The following TMTC3 variants were observed in gnomAD, a reference collection of about 807,000 sequenced individuals.
TMTC3 encodes transmembrane O-mannosyltransferase targeting cadherins 3.
Under a neutral mutation model 92.2 loss-of-function variants are expected in TMTC3, and 52 were observed. That is an observed-to-expected ratio of 0.56 (90% CI 0.45 to 0.71). The LOEUF (loss-of-function observed/expected upper bound fraction) is 0.71, where lower values mean the gene tolerates loss of function less well. Among genes scored for constraint, TMTC3 ranks in the 30% least tolerant of loss-of-function variants. The pLI, the probability that TMTC3 is intolerant of heterozygous loss-of-function variation, is 0.00. For missense variants in TMTC3, 896 were observed against 1,057.1 expected (o/e 0.85, Z 2.11); for synonymous variants, 339 against 363.3 (o/e 0.93, Z 0.76).
intron 10 of TMTC3, among the ~76,000 whole-genome samples, chr12:88,181,925 C>T (rs2041322691): frequency 6.6e-6 from 1 of 152,046 alleles, no homozygotes; most frequent in East Asian, 1.9e-4. Context: ...GTAGACACAA[C>T]TACAGGAGTA....
At chr12:88,192,960 G>A in intron 13 of TMTC3, 130 bp downstream of exon 13, 1 of 639,296 alleles carries the variant, frequency 1.6e-6, no homozygotes, top group Non-Finnish European at 2.5e-6. Flanking sequence ...GTGCTTAACT[G>A]ATTTATAGAA....
chr12:88,171,254 A>G (rs1169788874), intron 7 of TMTC3, among the ~76,000 whole-genome samples: 2 of 152,050 alleles, frequency 1.3e-5, no homozygotes, highest in Non-Finnish European at 2.9e-5. Flanking sequence ...ATATTTCATT[A>G]TCATCTTATT....
In TMTC3 at chr12:88,197,043, G is replaced by A. The variant is rs2041521244; in HGVS notation, c.*1394G>A. ...GTTGGTTCTAATTTAAAATATGAAA[G>A]CTCTGGCTATCATCCTGGGATAGTA... is the stretch of plus-strand genomic sequence containing the variant. On this transcript the variant is annotated 3_prime_UTR_variant, in exon 14 of 14. Transcript: ENST00000266712. 1 of 151,780 alleles carries A rather than the reference G, an allele frequency of 6.6e-6. No homozygotes were observed. Among genetic ancestry groups the A allele is most frequent in the African/African-American group, 2.4e-5 (1 of 41,282 alleles). The allele number at this position is 151,780 out of a possible 1,614,324, so 9.4% of individuals were successfully genotyped here. A position where few individuals can be genotyped will look rare whatever the true frequency, so the allele number is the denominator to read the frequency against.
In TMTC3 at chr12:88,197,315, G is replaced by T. The variant is rs2041526285; in HGVS notation, c.*1666G>T. ...GTTTAAAGCAAGCACTGATACCAGT[G>T]GGAGTTGGTCTTGATCTAGGAGATT... On this transcript the variant is annotated 3_prime_UTR_variant, in exon 14 of 14. Coordinates refer to ENST00000266712, the MANE Select transcript of TMTC3 (RefSeq NM_181783.4). 6.8e-6 allele frequency: 1 copy of T among 146,792 alleles called. No individual in the cohort carries two copies. Among genetic ancestry groups the T allele is most frequent in the African/African-American group, 2.5e-5 (1 of 39,496 alleles). The allele number at this position is 146,792 out of a possible 1,614,324, so 9.1% of individuals were successfully genotyped here.
rs916578989 is a variant in TMTC3, at chr12:88,143,912, A to C, written c.-29+1425A>C. ...TCTGGGAAGAGGGTAGGCCATTCCTAGATCTGAGTGTTCCTCCCCTTTTTA... is the reference window on the plus strand; with the variant it reads ...TCTGGGAAGAGGGTAGGCCATTCCTCGATCTGAGTGTTCCTCCCCTTTTTA... On this transcript the variant is annotated intron_variant, in intron 1 of 13. Coordinates refer to ENST00000266712, the MANE Select transcript of TMTC3 (RefSeq NM_181783.4). Among the ~76,000 whole-genome samples the C allele has an allele frequency of 3.9e-5, 6 of 152,308 alleles. No individual in the cohort carries two copies. The East Asian group carries it at 7.7e-4, about 20-fold the overall frequency.
chr12:88,184,873 G>A (rs560727792), intron 10 of TMTC3, among the ~76,000 whole-genome samples: 2 of 151,752 alleles, frequency 1.3e-5, no homozygotes, highest in Non-Finnish European at 2.9e-5. Flanking sequence ...CTATAAAAAG[G>A]GCATAGAGAT....
In TMTC3 at chr12:88,153,526, A is replaced by G. The variant is rs765686846; in HGVS notation, c.408+17A>G. ...ACAGAAGCAGTAAGTAAAACTATGA[A>G]CTGACTTTTTTTCTTTTTCCTTTTT... is the stretch of plus-strand genomic sequence containing the variant. On this transcript the variant is annotated intron_variant, in intron 3 of 13. Transcript: ENST00000266712. 2.0e-6 allele frequency: 3 copies of G among 1,488,244 alleles called. No individual in the cohort carries two copies. The highest frequency in any genetic ancestry group is 1.9e-5 in the Admixed American group (1 of 52,694). 92.2% of individuals were successfully genotyped at this position (1,488,244 alleles called of 1,614,324 possible).
rs770145719 is a variant in TMTC3 at position 88,176,184 on chromosome 12, T to C, written c.1321-24T>C. On this transcript the variant is annotated intron_variant, in intron 9 of 13. Coordinates refer to ENST00000266712, the MANE Select transcript of TMTC3 (RefSeq NM_181783.4). ...AGTCATTTTTTTTTAATTGTAACTTTTTCTATCTGTGCTTGTATTTAAGGT... is the reference window on the plus strand; with the variant it reads ...AGTCATTTTTTTTTAATTGTAACTTCTTCTATCTGTGCTTGTATTTAAGGT... 2.6e-6 allele frequency: 4 copies of C among 1,511,180 alleles called. No individual in the cohort carries two copies. In the South Asian group the frequency reaches 4.8e-5, roughly 18 times the overall value. 93.6% of individuals were successfully genotyped at this position (1,511,180 alleles called of 1,614,324 possible).
At chr12:88,192,507 A>T (rs760969521) in intron 12 of TMTC3, 97 bp from the exon 13 acceptor site, 115 of 781,594 alleles carry the variant, frequency 1.5e-4, no homozygotes, top group Non-Finnish European at 2.4e-4. Context: ...AGAGAAAAAA[A>T]AGCTGTATGT....
At chr12:88,177,463 G>A (rs1016685659) in intron 10 of TMTC3, among the ~76,000 whole-genome samples, 4 of 152,148 alleles carry the variant, frequency 2.6e-5, no homozygotes, top group Non-Finnish European at 5.9e-5. Flanking sequence ...AGGGTTTAAG[G>A]AGTGAATAAA....
chr12:88,169,427 T>C (rs2041180282), intron 7 of TMTC3, among the ~76,000 whole-genome samples: 1 of 152,156 alleles, frequency 6.6e-6, no homozygotes, highest in African/African-American at 2.4e-5. Context: ...TTTAAATGTA[T>C]ATAAAAATGG....
chr12:88,166,675 G>A, intron 7 of TMTC3, 93 bp downstream of exon 7: 5 of 1,366,588 alleles, frequency 3.7e-6, no homozygotes, highest in South Asian at 3.0e-5. Flanking sequence ...CTTTTTAGAA[G>A]CACTCCTTTC....
intron 11 of TMTC3, 62 bp downstream of exon 11, chr12:88,189,008 A>T: frequency 1.2e-6 from 1 of 862,040 alleles, no homozygotes; most frequent in South Asian, 1.6e-5. Context: ...GAATAGAATT[A>T]TCTAGAAGGA....
intron 4 of TMTC3, among the ~76,000 whole-genome samples, chr12:88,158,293 C>G (rs957700015): frequency 6.6e-6 from 1 of 152,154 alleles, no homozygotes; most frequent in Non-Finnish European, 1.5e-5. Flanking sequence ...ACTCTCACCC[C>G]TATTTATTTC....
intron 1 of TMTC3, among the ~76,000 whole-genome samples, chr12:88,148,002 C>T (rs374924483): frequency 6.6e-6 from 1 of 152,030 alleles, no homozygotes; most frequent in South Asian, 2.1e-4. Context: ...TTTAAATAAT[C>T]CACAGAGGAA....
At chr12:88,169,535 A>G (rs1426074504) in intron 7 of TMTC3, among the ~76,000 whole-genome samples, 1 of 152,138 alleles carries the variant, frequency 6.6e-6, no homozygotes, top group East Asian at 1.9e-4. Flanking sequence ...TCTGGAAGGG[A>G]TAAGTAGAAC....
intron 2 of TMTC3, among the ~76,000 whole-genome samples, chr12:88,150,703 A>G (rs1443220904): frequency 6.6e-6 from 1 of 152,152 alleles, no homozygotes. Context: ...GGTAATCCTT[A>G]GGTGTCATAG....
In TMTC3 at chr12:88,160,164, T is replaced by C. The variant is rs764195459; in HGVS notation, c.559T>C (p.Cys187Arg). ...GTTTTTAGTGGCTGTTGCAACATTA[T>C]GTAAAGAACAAGGAATAACAGTTGT... ...TVFLVAVATLCKEQGITVVGI... is the reference protein window; with the variant it reads ...TVFLVAVATLRKEQGITVVGI... Residue 187 changes from cysteine (C) to arginine (R), a missense_variant, in exon 5 of 14, where the codon TGT becomes CGT. Transcript: ENST00000266712. 2 of 1,593,382 alleles carry C rather than the reference T, an allele frequency of 1.3e-6. No individual in the cohort carries two copies. Among genetic ancestry groups the C allele is most frequent in the African/African-American group, 1.3e-5 (1 of 74,190 alleles).
At chr12:88,168,635 A>T (rs937821544) in intron 7 of TMTC3, among the ~76,000 whole-genome samples, 7 of 152,318 alleles carry the variant, frequency 4.6e-5, no homozygotes, top group East Asian at 3.9e-4. Context: ...GAACATATTT[A>T]TTAAGCTGAA....
Sources: gnomAD v4.1 joint callset for allele counts (sites outside exome capture counted in the v4.1 genomes callset) on GRCh38, gnomAD v4.1.1 for gene constraint, MANE v1.5 for transcripts, NCBI Gene and HGNC (gene_info 2026-07-23, HGNC 2026-07-21) for gene names.